The following FRMD6 variants were observed in gnomAD, a reference collection of about 807,000 sequenced individuals.
FRMD6 encodes FERM domain-containing protein 6.
FRMD6 carries 37 observed loss-of-function variants against 73.2 expected under a neutral mutation model. The ratio of observed to expected loss-of-function variants is 0.51; its 90% CI spans 0.39 to 0.66. The LOEUF is 0.66. Ranked by LOEUF, FRMD6 falls within the 30% of genes least tolerant of loss-of-function variation. The pLI is 0.00. For missense variants in FRMD6, 714 were observed against 780.5 expected, an observed-to-expected ratio of 0.91 and a Z score of 1.02; for synonymous variants, 273 against 282.2, an observed-to-expected ratio of 0.97 and a Z score of 0.33.
At chr14:51,560,504 G>A (rs576170097) in intron 1 of FRMD6, among the ~76,000 whole-genome samples, 1 of 152,122 alleles carries the variant, frequency 6.6e-6, no homozygotes, top group East Asian at 1.9e-4. Context: ...TGTTTTTTGA[G>A]ACCAAGTTTC....
At chr14:51,526,303 A>T (rs998140598) in intron 1 of FRMD6, among the ~76,000 whole-genome samples, 1 of 152,178 alleles carries the variant, frequency 6.6e-6, no homozygotes, top group Non-Finnish European at 1.5e-5. Context: ...GGTGTACAGG[A>T]GTTGCACCTG....
intron 11 of FRMD6, among the ~76,000 whole-genome samples, chr14:51,721,493 C>T (rs983036459): frequency 4.6e-5 from 7 of 152,078 alleles, no homozygotes; most frequent in Non-Finnish European, 8.8e-5. Flanking sequence ...GTCTTCAGTC[C>T]CAGCTACTCG....
intron 1 of FRMD6, among the ~76,000 whole-genome samples, chr14:51,507,533 G>A (rs574752045): frequency 1.5e-4 from 23 of 152,262 alleles, no homozygotes; most frequent in African/African-American, 4.1e-4. Flanking sequence ...TTCTACTATA[G>A]GGGAAAATCA....
chr14:51,439,800 A>G, the FRMD6 span, among the ~76,000 whole-genome samples: 1 of 152,184 alleles, frequency 6.6e-6, no homozygotes, highest in East Asian at 1.9e-4. Flanking sequence ...ATATATATGT[A>G]TATTTTATAG....
At position 51,715,376 on chromosome 14, in the gene FRMD6, A is replaced by G. The variant is rs1174225803; in HGVS notation, c.901A>G (p.Ile301Val). Residue 301 changes from isoleucine (I) to valine (V), a missense_variant, in exon 10 of 14, where the codon ATA (isoleucine) becomes GTA (valine). By Grantham distance (29) the Ile-to-Val change is conservative. Coordinates refer to ENST00000344768, the MANE Select transcript of FRMD6 (RefSeq NM_001267046.2). ...PDGLPSARKLIYYTGCPMRSR... is the reference protein window; with the variant it reads ...PDGLPSARKLVYYTGCPMRSR... ...TGGCTTGCCTTCTGCCCGGAAGCTC[A>G]TATACTACACGGGGTGCCCCATGCG... is the stretch of plus-strand genomic sequence containing the variant. The G allele has an allele frequency of 1.9e-6, 3 of 1,611,992 alleles. No individual in the cohort carries two copies. The highest frequency in any genetic ancestry group is 2.5e-6 in the Non-Finnish European group (3 of 1,178,956).
At chr14:51,590,382 G>T (rs1889324761) in intron 2 of FRMD6, among the ~76,000 whole-genome samples, 1 of 151,954 alleles carries the variant, frequency 6.6e-6, no homozygotes, top group Non-Finnish European at 1.5e-5. Context: ...GCTATTTTTG[G>T]AGGAAGGATT....
chr14:51,397,024 T>C, the FRMD6 span: 1 of 152,140 alleles, frequency 6.6e-6, no homozygotes, highest in Non-Finnish European at 1.5e-5. Context: ...CTCCTAGAAG[T>C]GGGTAGGTTG....
upstream of FRMD6, chr14:51,651,601 C>T (rs1892383517): frequency 6.6e-6 from 1 of 152,336 alleles, no homozygotes; most frequent in South Asian, 2.1e-4. Context: ...ACCGCGTCCA[C>T]CTGAGGCTCG....
chr14:51,474,312 A>T, the FRMD6 span, among the ~76,000 whole-genome samples: 1 of 152,226 alleles, frequency 6.6e-6, no homozygotes, highest in Non-Finnish European at 1.5e-5. Flanking sequence ...TCTGAAAGAC[A>T]AAGCAGTTAA....
upstream of FRMD6, among the ~76,000 whole-genome samples, chr14:51,488,866 C>A (rs574151954): frequency 6.6e-6 from 1 of 152,234 alleles, no homozygotes; most frequent in African/African-American, 2.4e-5. Context: ...GAAGCTCACA[C>A]CGGCCTCTGC....
intron 1 of FRMD6, among the ~76,000 whole-genome samples, chr14:51,496,583 T>A (rs926515099): frequency 6.6e-6 from 1 of 152,208 alleles, no homozygotes; most frequent in Non-Finnish European, 1.5e-5. Context: ...CTGCGAAGCC[T>A]CTTCAGATCT....
At chr14:51,711,487 A>T (rs1896940852) in intron 7 of FRMD6, 44 bp from the exon 8 acceptor site, 1 of 1,338,210 alleles carries the variant, frequency 7.5e-7, no homozygotes, top group African/African-American at 1.5e-5. Context: ...TGTAGAAAAA[A>T]TATATAAAAA....
intron 1 of FRMD6, among the ~76,000 whole-genome samples, chr14:51,687,667 A>G (rs1202541875): frequency 6.6e-6 from 1 of 152,178 alleles, no homozygotes; most frequent in Non-Finnish European, 1.5e-5. Flanking sequence ...CTAAGAGAGG[A>G]CATATATAGG....
chr14:51,490,096 A>T (rs1882908248), intron 1 of FRMD6, among the ~76,000 whole-genome samples: 1 of 152,254 alleles, frequency 6.6e-6, no homozygotes, highest in Non-Finnish European at 1.5e-5. Flanking sequence ...ATGAGCTGTT[A>T]CAGAGTTTGT....
the FRMD6 span, among the ~76,000 whole-genome samples, chr14:51,480,448 A>G: frequency 4.1e-4 from 62 of 152,174 alleles, no homozygotes; most frequent in Non-Finnish European, 4.9e-4. Flanking sequence ...TTATTTCTTT[A>G]ATGAATCTGT....
At chr14:51,500,509 C>T (rs947700237) in intron 1 of FRMD6, among the ~76,000 whole-genome samples, 1 of 150,492 alleles carries the variant, frequency 6.6e-6, no homozygotes, top group Non-Finnish European at 1.5e-5. Flanking sequence ...ACACTGCACT[C>T]CAGCCTGGGC....
chr14:51,689,090 A>T (rs1436840344), intron 1 of FRMD6, among the ~76,000 whole-genome samples: 3 of 152,226 alleles, frequency 2.0e-5, no homozygotes, highest in South Asian at 2.1e-4. Context: ...AAGAAGCAGG[A>T]GAGACAGAGC....
chr14:51,724,900 T>C (rs1897862201), intron 12 of FRMD6, among the ~76,000 whole-genome samples: 1 of 152,204 alleles, frequency 6.6e-6, no homozygotes, highest in Non-Finnish European at 1.5e-5. Context: ...TTCACTCATA[T>C]GCCAGTCACA....
chr14:51,666,514 C>T (rs772323285), intron 1 of FRMD6, among the ~76,000 whole-genome samples: 8 of 152,212 alleles, frequency 5.3e-5, no homozygotes, highest in Non-Finnish European at 8.8e-5. Context: ...TGTGAGACTT[C>T]GGGGCAGTCT....
Sources: gnomAD v4.1 joint callset for allele counts (sites outside exome capture counted in the v4.1 genomes callset) on GRCh38, gnomAD v4.1.1 for gene constraint, MANE v1.5 for transcripts, NCBI Gene and HGNC (gene_info 2026-07-23, HGNC 2026-07-21) for gene names.